Variants in AGBL4 observed in about 807,000 individuals in gnomAD.
AGBL4 encodes AGBL carboxypeptidase 4, also known as cytosolic carboxypeptidase 6.
AGBL4 carries 58 observed loss-of-function variants against 66.4 expected under a neutral mutation model. The ratio of observed to expected loss-of-function variants is 0.87; its 90% CI spans 0.71 to 1.09. AGBL4 has a LOEUF of 1.09. AGBL4 is among the 50% of genes least tolerant of loss of function. AGBL4 has a pLI of 0.00. For synonymous variants in AGBL4, 234 were observed against 222.9 expected (o/e 1.05, Z -0.44); for missense variants, 579 against 631.0 (o/e 0.92, Z 0.88).
intron 3 of AGBL4, among the ~76,000 whole-genome samples, chr1:49,559,043 G>A (rs1643970843): frequency 6.6e-6 from 1 of 152,110 alleles, no homozygotes; most frequent in Admixed American, 6.6e-5. Context: ...CCATGGCCTG[G>A]CTGGCTTTGC....
intron 4 of AGBL4, among the ~76,000 whole-genome samples, chr1:49,079,904 A>G (rs1057194157): frequency 2.2e-4 from 33 of 152,140 alleles, no homozygotes; most frequent in African/African-American, 7.7e-4. Flanking sequence ...TGCTTTATCA[A>G]TTCCCCCAAA....
chr1:49,958,608 A>T (rs1656839773), intron 1 of AGBL4, among the ~76,000 whole-genome samples: 1 of 150,638 alleles, frequency 6.6e-6, no homozygotes, highest in Non-Finnish European at 1.5e-5. Context: ...AAGACCAAAT[A>T]CCACATGTTC....
chr1:48,912,029 AATTCACTC>A (rs1199428879), intron 5 of AGBL4, among the ~76,000 whole-genome samples: 41 of 152,268 alleles, frequency 2.7e-4, no homozygotes, highest in African/African-American at 9.6e-4. Flanking sequence ...ATTTAATATT[AATTCACTC>A]ATTCACTCAT....
chr1:49,990,193 T>C (rs907442570), intron 1 of AGBL4, among the ~76,000 whole-genome samples: 6 of 152,222 alleles, frequency 3.9e-5, no homozygotes, highest in African/African-American at 9.6e-5. Context: ...TTAATTGTAA[T>C]ACCAATGTAA....
At chr1:49,076,366 T>C (rs1354346330) in intron 4 of AGBL4, among the ~76,000 whole-genome samples, 1 of 152,242 alleles carries the variant, frequency 6.6e-6, no homozygotes, top group African/African-American at 2.4e-5. Flanking sequence ...ATAGTTTTTA[T>C]ACTATATTTA....
intron 3 of AGBL4, among the ~76,000 whole-genome samples, chr1:49,478,312 G>C (rs1365466321): frequency 6.6e-6 from 1 of 151,604 alleles, no homozygotes; most frequent in Non-Finnish European, 1.5e-5. Context: ...GACTCTAAGA[G>C]GAGCCAAAAG....
intron 2 of AGBL4, among the ~76,000 whole-genome samples, chr1:49,803,089 T>A (rs1404170351): frequency 1.3e-5 from 2 of 150,766 alleles, no homozygotes; most frequent in Non-Finnish European, 3.0e-5. Flanking sequence ...CTTATGAAGT[T>A]ATATCTAAAT....
At chr1:49,965,699 C>A (rs189823038) in intron 1 of AGBL4, among the ~76,000 whole-genome samples, 1 of 152,226 alleles carries the variant, frequency 6.6e-6, no homozygotes, top group African/African-American at 2.4e-5. Flanking sequence ...ATTGTCCAAC[C>A]TTTCTATAGG....
At chr1:48,743,226 C>A (rs2148599895) in intron 6 of AGBL4, among the ~76,000 whole-genome samples, 1 of 152,212 alleles carries the variant, frequency 6.6e-6, no homozygotes, top group East Asian at 1.9e-4. Flanking sequence ...AATGTTAAGG[C>A]CTCCCCCTCC....
At chr1:49,580,455 C>A (rs765930727) in intron 3 of AGBL4, among the ~76,000 whole-genome samples, 1 of 151,890 alleles carries the variant, frequency 6.6e-6, no homozygotes, top group African/African-American at 2.4e-5. Context: ...CAATTTGATT[C>A]CTTTCTCTTC....
chr1:49,497,236 T>C (rs1048373624), intron 3 of AGBL4, among the ~76,000 whole-genome samples: 19 of 152,020 alleles, frequency 1.2e-4, no homozygotes, highest in Non-Finnish European at 2.6e-4. Flanking sequence ...GTTTTCTTGC[T>C]ATTGAGTTCC....
intron 3 of AGBL4, among the ~76,000 whole-genome samples, chr1:49,415,092 C>T (rs920370615): frequency 3.3e-5 from 5 of 152,110 alleles, no homozygotes; most frequent in African/African-American, 7.2e-5. Flanking sequence ...ATCCAGGTCT[C>T]TTAATTCCCA....
At chr1:48,992,491 C>T (rs1660675160) in intron 5 of AGBL4, among the ~76,000 whole-genome samples, 1 of 151,712 alleles carries the variant, frequency 6.6e-6, no homozygotes, top group South Asian at 2.1e-4. Flanking sequence ...TGGCTAGTGC[C>T]TATGTTTGCT....
rs192310827 is a variant in AGBL4, at chr1:48,582,807, C to T, written c.1267+4197G>A. 3.2e-3 allele frequency among the ~76,000 whole-genome samples: 490 copies of T among 152,248 alleles called. 4 individuals are homozygous for T. Among genetic ancestry groups the T allele is most frequent in the Admixed American group, 0.015 (227 of 15,300 alleles). On this transcript the variant is annotated intron_variant, in intron 11 of 13. Coordinates refer to ENST00000371839, the MANE Select transcript of AGBL4 (RefSeq NM_032785.4). Reference sequence around the variant, plus strand: ...CCAGGTAAGCACCAACCACCATGTCCATTTATTTATTTCCCAGATATAGTA... The same window carrying T: ...CCAGGTAAGCACCAACCACCATGTCTATTTATTTATTTCCCAGATATAGTA...
At chr1:49,631,946 G>A (rs777560988) in intron 3 of AGBL4, among the ~76,000 whole-genome samples, 1 of 152,168 alleles carries the variant, frequency 6.6e-6, no homozygotes, top group Non-Finnish European at 1.5e-5. Flanking sequence ...GCCTCAGGAC[G>A]AATGTGGTAG....
intron 6 of AGBL4, among the ~76,000 whole-genome samples, chr1:48,695,040 A>G (rs149542481): frequency 3.0e-4 from 45 of 152,246 alleles, no homozygotes; most frequent in African/African-American, 1.1e-3. Context: ...GGATTACACT[A>G]TGGAAGATTC....
At chr1:49,068,100 G>C (rs1437863811) in intron 4 of AGBL4, among the ~76,000 whole-genome samples, 1 of 152,164 alleles carries the variant, frequency 6.6e-6, no homozygotes, top group African/African-American at 2.4e-5. Flanking sequence ...CCTTGCGTTT[G>C]TAGGCAGGGC....
intron 1 of AGBL4, among the ~76,000 whole-genome samples, chr1:50,001,152 CAT>C (rs951368778): frequency 3.3e-5 from 5 of 150,990 alleles, no homozygotes; most frequent in South Asian, 2.1e-4. Flanking sequence ...GGTATGACCA[CAT>C]GTGTATATAT....
chr1:48,617,214 T>A (rs1330310546), intron 9 of AGBL4, among the ~76,000 whole-genome samples: 8 of 152,198 alleles, frequency 5.3e-5, no homozygotes, highest in Non-Finnish European at 1.2e-4. Context: ...AATATATTTA[T>A]TTCCCTTCTG....
Sources: allele counts gnomAD v4.1 joint callset (sites outside exome capture counted in the v4.1 genomes callset), GRCh38; gene constraint gnomAD v4.1.1; transcripts MANE v1.5; gene names NCBI Gene and HGNC (gene_info 2026-07-23, HGNC 2026-07-21).